The following AMDHD2 variants were observed in gnomAD, a reference collection of about 807,000 sequenced individuals.
AMDHD2 encodes the protein N-acetylglucosamine-6-phosphate deacetylase.
A neutral mutation model predicts 41.8 loss-of-function variants in AMDHD2; 24 were observed. The observed-to-expected ratio is 0.57, with a 90% CI of 0.42 to 0.81. The LOEUF (loss-of-function observed/expected upper bound fraction) is 0.81. Among genes scored for constraint, AMDHD2 ranks in the 30% least tolerant of loss-of-function variants. AMDHD2 has a pLI of 0.00. For synonymous variants in AMDHD2, 332 were observed against 255.5 expected, an observed-to-expected ratio of 1.30 and a Z score of -2.85; for missense variants, 540 against 588.5, an observed-to-expected ratio of 0.92 and a Z score of 0.85.
In AMDHD2 at chr16:2,524,154, C is replaced by G. The variant is rs142113852; in HGVS notation, c.360+3031C>G. 4.0e-3 allele frequency among the ~76,000 whole-genome samples: 611 copies of G among 152,382 alleles called. 4 individuals carry two copies. The highest frequency in any genetic ancestry group is 8.6e-3 in the Admixed American group (131 of 15,310). On this transcript the variant is annotated intron_variant, in intron 3 of 10. Coordinates refer to ENST00000293971, the MANE Select transcript of AMDHD2 (RefSeq NM_001330449.2). ...ACTGGAGGCCCCTTTTCACTCGGGT[C>G]TCCCCTGTGCCGTGCACGCCACCTC...
chr16:2,529,106 G>C lies in AMDHD2; in HGVS notation c.1141+11G>C. On this transcript the variant is annotated intron_variant, in intron 10 of 10. Transcript: ENST00000293971. ...TTGGTGCTGACGCAGGTGAGGGCCT[G>C]TCGCAGGGTCACCGGGCAGCCTGGC... 6.5e-7 allele frequency: 1 copy of C among 1,544,854 alleles called. No individual in the cohort carries two copies. The highest frequency in any genetic ancestry group is 1.4e-5 in the African/African-American group (1 of 72,770).
chr16:2,529,434 C>T (rs1382060689), intron 10 of AMDHD2, 41 bp from the exon 11 acceptor site: 3 of 1,603,694 alleles, frequency 1.9e-6, no homozygotes, highest in East Asian at 2.2e-5. Context: ...AGGTGGGCGG[C>T]CCCACTCCTG....
intron 1 of AMDHD2, 55 bp from the exon 2 acceptor site, chr16:2,520,714 G>C: frequency 6.9e-7 from 1 of 1,446,886 alleles, no homozygotes; most frequent in East Asian, 2.6e-5. Context: ...CGGGGTGCAG[G>C]GTGCGGGGCC....
rs1415809636 is a variant in AMDHD2, at chr16:2,527,479, C to T, written c.361-82C>T. On this transcript the variant is annotated intron_variant, in intron 3 of 10. Coordinates refer to ENST00000293971, the MANE Select transcript of AMDHD2 (RefSeq NM_001330449.2). The surrounding 1 kb of genome is among the most constrained non-coding windows in gnomAD (Gnocchi z 6.1). ...TGGGTGCTGGGCTCTGAACTCTGAC[C>T]TGAGATCTCTGGCCTTGGCTAGGCT... 6.7e-7 allele frequency: 1 copy of T among 1,495,884 alleles called. No homozygotes were observed. The highest frequency in any genetic ancestry group is 1.4e-5 in the African/African-American group (1 of 72,882). The allele number at this position is 1,495,884 out of a possible 1,614,324, so 92.7% of individuals were successfully genotyped here.
At chr16:2,522,006 G>C (rs542205803) in intron 3 of AMDHD2, among the ~76,000 whole-genome samples, 59 of 152,034 alleles carry the variant, frequency 3.9e-4, no homozygotes, top group Admixed American at 1.0e-3. Flanking sequence ...GGATGGTCTC[G>C]ATCTCCTGAC....
chr16:2,522,409 G>A (rs1262715358), intron 3 of AMDHD2, among the ~76,000 whole-genome samples: 2 of 152,094 alleles, frequency 1.3e-5, no homozygotes, highest in Non-Finnish European at 2.9e-5. Flanking sequence ...TCGGCCGGGC[G>A]CGGTGGCTCA....
In AMDHD2 at chr16:2,527,825, C is replaced by G; in HGVS notation, c.468C>G (p.Pro156=). ...FISREKRGAH[P]EAHLRSFEAD... is the part of the protein sequence containing the mutation. ...GCCGGGAGAAGCGGGGCGCGCACCC[C>G]GAGGCCCACCTCCGCTCCTTCGAGG... Residue 156 remains proline, a synonymous_variant, in exon 5 of 11, where the codon CCC becomes CCG. Coordinates refer to ENST00000293971, the MANE Select transcript of AMDHD2 (RefSeq NM_001330449.2). This position sits in a 1 kb window ranked among gnomAD's most constrained non-coding sequence, Gnocchi z 6.1. 1 of 1,593,884 alleles carries G rather than the reference C, an allele frequency of 6.3e-7. No individual in the cohort carries two copies.
At chr16:2,524,173 C>T (rs1394041530) in intron 3 of AMDHD2, among the ~76,000 whole-genome samples, 7 of 152,244 alleles carry the variant, frequency 4.6e-5, no homozygotes, top group African/African-American at 1.7e-4. Context: ...GCCGTGCACG[C>T]CACCTCTTCC....
chr16:2,529,039 C>T lies in AMDHD2; in HGVS notation c.1085C>T (p.Ala362Val). Residue 362 changes from alanine (A) to valine (V), a missense_variant, in exon 10 of 11, where the codon GCC (alanine) becomes GTC (valine). Transcript: ENST00000293971. ...SALEAASLHP[A>V]QLLGLEKSKG... ...CTGGAGGCTGCATCCCTGCACCCCG[C>T]CCAGTTGCTGGGGCTGGAGAAGAGT... is the stretch of plus-strand genomic sequence containing the variant. 6.3e-7 allele frequency: 1 copy of T among 1,598,972 alleles called. No homozygotes were observed. Among genetic ancestry groups the T allele is most frequent in the Non-Finnish European group, 8.5e-7 (1 of 1,173,486 alleles).
At position 2,520,966 on chromosome 16, in the gene AMDHD2, C is replaced by T. The variant is rs770112132; in HGVS notation, c.221-18C>T. The T allele has an allele frequency of 6.9e-6, 11 of 1,597,104 alleles. No individual in the cohort carries two copies. Among genetic ancestry groups the T allele is most frequent in the South Asian group, 1.1e-5 (1 of 89,608 alleles). ...GAGCTCTGAGCTCCATGCGACACTT[C>T]CTTTTCTGTGGCTGCAGGTGGATTT... On this transcript the variant is annotated intron_variant, in intron 2 of 10. Coordinates refer to ENST00000293971, the MANE Select transcript of AMDHD2 (RefSeq NM_001330449.2).
chr16:2,530,682 G>C lies in AMDHD2; in HGVS notation c.*1119G>C. 2 of 1,614,156 alleles carry C rather than the reference G, an allele frequency of 1.2e-6. No homozygotes were observed. Among genetic ancestry groups the C allele is most frequent in the Non-Finnish European group, 1.7e-6 (2 of 1,180,022 alleles). On this transcript the variant is annotated 3_prime_UTR_variant, in exon 11 of 11. Coordinates refer to ENST00000293971, the MANE Select transcript of AMDHD2 (RefSeq NM_001330449.2). ...AAGGAAATGTCTCCAGGTCCAAAGA[G>C]ATAGGATGGTCTGGGCCCCACCTGT... is the stretch of plus-strand genomic sequence containing the variant.
intron 3 of AMDHD2, among the ~76,000 whole-genome samples, 177 bp downstream of exon 3, chr16:2,521,300 C>T (rs956882699): frequency 2.0e-5 from 3 of 150,728 alleles, no homozygotes; most frequent in Non-Finnish European, 4.4e-5. Flanking sequence ...TATCAGTTGT[C>T]GCTCTGCCTG....
In AMDHD2 at chr16:2,527,441, G is replaced by A; in HGVS notation, c.361-120G>A. On this transcript the variant is annotated intron_variant, in intron 3 of 10. Transcript: ENST00000293971. This position sits in a 1 kb window ranked among gnomAD's most constrained non-coding sequence, Gnocchi z 6.1. ...CCTGACCCCTGTGAGGGGACAGGCG[G>A]CCGGGGCTGGGCTGGGTGCTGGGCT... 2.8e-6 allele frequency: 3 copies of A among 1,081,184 alleles called. No individual in the cohort carries two copies. The highest frequency in any genetic ancestry group is 2.7e-6 in the Non-Finnish European group (2 of 734,094). The allele number at this position is 1,081,184 out of a possible 1,614,324, so 67.0% of individuals were successfully genotyped here.
intron 3 of AMDHD2, among the ~76,000 whole-genome samples, chr16:2,524,476 C>T (rs184465915): frequency 6.6e-6 from 1 of 152,334 alleles, no homozygotes; most frequent in Admixed American, 6.5e-5. Flanking sequence ...GAGTGTGCCT[C>T]ACTCCCCTCC....
In AMDHD2 at chr16:2,524,749, C is replaced by T. The variant is rs185508789; in HGVS notation, c.361-2812C>T. ...GTAGCTCTAAAAACTGTGCTGGCTGCTTCTCAGTCTTTCAGCTCAGGGCAG... is the reference window on the plus strand; with the variant it reads ...GTAGCTCTAAAAACTGTGCTGGCTGTTTCTCAGTCTTTCAGCTCAGGGCAG... On this transcript the variant is annotated intron_variant, in intron 3 of 10. Coordinates refer to ENST00000293971, the MANE Select transcript of AMDHD2 (RefSeq NM_001330449.2). Among the ~76,000 whole-genome samples, 22 of 152,234 alleles carry T rather than the reference C, an allele frequency of 1.4e-4. No homozygotes were observed. The East Asian group carries it at 3.1e-3, about 21-fold the overall frequency.
chr16:2,529,123 C>A, intron 10 of AMDHD2, 28 bp downstream of exon 10: 1 of 1,511,006 alleles, frequency 6.6e-7, no homozygotes, highest in Non-Finnish European at 8.9e-7. Flanking sequence ...GGTCACCGGG[C>A]AGCCTGGCCC....
Position 2,520,753 on chromosome 16 carries a change from C to T in AMDHD2, c.84-16C>T, listed in dbSNP as rs771103204. 3.9e-6 allele frequency: 6 copies of T among 1,557,102 alleles called. No individual in the cohort carries two copies. In the African/African-American group the frequency reaches 4.1e-5, roughly 11 times the overall value. On this transcript the variant is annotated splice_polypyrimidine_tract_variant and intron_variant, in intron 1 of 10. Transcript: ENST00000293971. ...GTCAGGCCCGCGATGCGAGCGCCCA[C>T]CCACTGCGTCCCCAGGGAGGATCTG...
chr16:2,528,924 G>A (rs2066046472), intron 9 of AMDHD2, 70 bp from the exon 10 acceptor site: 4 of 1,502,354 alleles, frequency 2.7e-6, no homozygotes, highest in Admixed American at 2.2e-5. Flanking sequence ...GGGAGTGCTG[G>A]TGTGGTTGGG....
intron 3 of AMDHD2, among the ~76,000 whole-genome samples, chr16:2,523,381 G>A (rs572742037): frequency 9.0e-4 from 137 of 152,226 alleles, no homozygotes; most frequent in African/African-American, 3.2e-3. Flanking sequence ...GGAACAATGG[G>A]GGTGGTGTGT....
Sources: allele counts gnomAD v4.1 joint callset (sites outside exome capture counted in the v4.1 genomes callset), GRCh38; gene constraint gnomAD v4.1.1; non-coding constraint Gnocchi (gnomAD v3.1); transcripts MANE v1.5; gene names NCBI Gene and HGNC (gene_info 2026-07-23, HGNC 2026-07-21).